RCAN1: variants seen among roughly 807,000 people sequenced by gnomAD.
RCAN1 encodes the protein regulator of calcineurin 1.
A neutral mutation model predicts 22.9 loss-of-function variants in RCAN1; 11 were observed. The observed-to-expected ratio is 0.48, with a 90% CI of 0.30 to 0.79. The LOEUF (loss-of-function observed/expected upper bound fraction) is 0.79, where lower values mean the gene tolerates loss of function less well. Ranked by LOEUF, RCAN1 falls within the 30% of genes least tolerant of loss-of-function variation. RCAN1 has a pLI of 0.06. For synonymous variants in RCAN1, 136 were observed against 142.3 expected, an observed-to-expected ratio of 0.96 and a Z score of 0.32; for missense variants, 291 against 337.8, an observed-to-expected ratio of 0.86 and a Z score of 1.09.
chr21:34,521,372 GAGA>G (rs1984521894), intron 3 of RCAN1, 124 bp downstream of exon 3: 2 of 1,554,018 alleles, frequency 1.3e-6, no homozygotes, highest in Non-Finnish European at 8.7e-7. Flanking sequence ...GAAGAATACA[GAGA>G]AGCTCACAAA....
chr21:34,598,772 C>G (rs914427636), intron 1 of RCAN1, among the ~76,000 whole-genome samples: 4 of 152,122 alleles, frequency 2.6e-5, no homozygotes, highest in African/African-American at 9.7e-5. Context: ...GTACTAATTT[C>G]CTTAATAAGC....
At chr21:34,574,920 G>C (rs1478970208) in intron 1 of RCAN1, among the ~76,000 whole-genome samples, 1 of 152,194 alleles carries the variant, frequency 6.6e-6, no homozygotes, top group Non-Finnish European at 1.5e-5. Flanking sequence ...TCAGGTTTTA[G>C]CGTCAAATTA....
chr21:34,592,363 G>C (rs1988002823), intron 1 of RCAN1, among the ~76,000 whole-genome samples: 1 of 152,110 alleles, frequency 6.6e-6, no homozygotes, highest in Admixed American at 6.5e-5. Flanking sequence ...ACACCCTTTT[G>C]GCACTGTCTT....
At chr21:34,578,155 G>A (rs931646886) in intron 1 of RCAN1, among the ~76,000 whole-genome samples, 29 of 152,162 alleles carry the variant, frequency 1.9e-4, no homozygotes, top group Non-Finnish European at 4.0e-4. Flanking sequence ...ACACAAAAGA[G>A]CAAGAGGTGC....
chr21:34,612,561 T>C (rs1004992152), intron 1 of RCAN1, among the ~76,000 whole-genome samples: 10 of 152,206 alleles, frequency 6.6e-5, no homozygotes, highest in Admixed American at 2.0e-4. Flanking sequence ...TCTACCCTTC[T>C]GTGGGCCCTG....
intron 1 of RCAN1, among the ~76,000 whole-genome samples, chr21:34,580,714 T>C (rs1987575479): frequency 6.6e-6 from 1 of 152,204 alleles, no homozygotes; most frequent in Non-Finnish European, 1.5e-5. Flanking sequence ...CCTTTGTGCA[T>C]GGCTCACCAT....
At chr21:34,555,783 C>A (rs1986540546) in intron 1 of RCAN1, among the ~76,000 whole-genome samples, 1 of 151,302 alleles carries the variant, frequency 6.6e-6, no homozygotes, top group African/African-American at 2.4e-5. Flanking sequence ...AAAAGGCAGG[C>A]CGGGCACCGT....
intron 3 of RCAN1, among the ~76,000 whole-genome samples, chr21:34,520,212 G>A (rs185414246): frequency 6.6e-6 from 1 of 152,252 alleles, no homozygotes; most frequent in Admixed American, 6.5e-5. Flanking sequence ...TCTCCAATAA[G>A]CCCTCGGTGA....
chr21:34,567,909 T>C (rs1258807609), intron 1 of RCAN1, among the ~76,000 whole-genome samples: 1 of 152,174 alleles, frequency 6.6e-6, no homozygotes, highest in Non-Finnish European at 1.5e-5. Flanking sequence ...TGGAGTGAAA[T>C]AGATATTTCC....
chr21:34,554,392 A>G (rs1425142805), intron 1 of RCAN1, among the ~76,000 whole-genome samples: 1 of 152,222 alleles, frequency 6.6e-6, no homozygotes, highest in Admixed American at 6.5e-5. Flanking sequence ...TGTGGTGCTG[A>G]AACCACAGAG....
At chr21:34,597,150 AC>A (rs1988188009) in intron 1 of RCAN1, among the ~76,000 whole-genome samples, 1 of 152,074 alleles carries the variant, frequency 6.6e-6, no homozygotes, top group African/African-American at 2.4e-5. Context: ...TGAGCGAGGA[AC>A]CCGTGCAGCC....
intron 1 of RCAN1, among the ~76,000 whole-genome samples, chr21:34,592,760 G>A (rs1179960361): frequency 1.3e-5 from 2 of 152,128 alleles, no homozygotes; most frequent in Non-Finnish European, 2.9e-5. Context: ...CTTGGCTGAG[G>A]CTGTCTTGTT....
At chr21:34,530,068 ATGTCT>A (rs1057311446) in intron 1 of RCAN1, among the ~76,000 whole-genome samples, 171 of 152,254 alleles carry the variant, frequency 1.1e-3, no homozygotes, top group African/African-American at 3.9e-3. Flanking sequence ...AGTCTTGGGT[ATGTCT>A]TGTCTTTATC....
In RCAN1 at chr21:34,523,730, A is replaced by C; in HGVS notation, c.253-20T>G. 1 of 1,605,110 alleles carries C rather than the reference A, an allele frequency of 6.2e-7. No homozygotes were observed. The highest frequency in any genetic ancestry group is 8.5e-7 in the Non-Finnish European group (1 of 1,175,236). ...TTTGGCCTGAAAAATAACAATAAAA[A>C]TAAAAGGAGTTGAAATTTACCTGCA... On this transcript the variant is annotated intron_variant, in intron 1 of 3. Transcript: ENST00000313806.
chr21:34,580,732 G>A (rs1406371538), intron 1 of RCAN1, among the ~76,000 whole-genome samples: 1 of 152,242 alleles, frequency 6.6e-6, no homozygotes, highest in South Asian at 2.1e-4. Context: ...CATGATCTCC[G>A]CCCCACTCTA....
intron 1 of RCAN1, among the ~76,000 whole-genome samples, chr21:34,571,259 C>A (rs1298664323): frequency 1.3e-5 from 2 of 152,178 alleles, no homozygotes; most frequent in Non-Finnish European, 2.9e-5. Context: ...TACCATTGCA[C>A]TCCAGCCTGG....
chr21:34,516,982 T>C lies in RCAN1; in HGVS notation c.*1102A>G, dbSNP rs1473899234. 6.6e-6 allele frequency: 1 copy of C among 152,660 alleles called. No homozygotes were observed. The highest frequency in any genetic ancestry group is 1.5e-5 in the Non-Finnish European group (1 of 68,042). The allele number at this position is 152,660 out of a possible 1,614,324, so 9.5% of individuals were successfully genotyped here. A position where few individuals can be genotyped will look rare whatever the true frequency, so the allele number is the denominator to read the frequency against. On this transcript the variant is annotated 3_prime_UTR_variant, in exon 4 of 4. Coordinates refer to ENST00000313806, the MANE Select transcript of RCAN1 (RefSeq NM_004414.7). ...GACATGCTTTGAATTCAAGTCCTGT[T>C]AGACATGGGAACAGCTTTTCCTACA...
In RCAN1 at chr21:34,544,785, G is replaced by A. The variant is rs112931820; in HGVS notation, c.253-21075C>T. On this transcript the variant is annotated intron_variant, in intron 1 of 3. Transcript: ENST00000313806. The stretch of plus-strand genomic sequence containing the variant: ...CCAGCCCTGCTGTCAGGAAGCACCC[G>A]CCTCGGGTTGGAGTAAAAGTCACAC... Among the ~76,000 whole-genome samples, 17 of 152,268 alleles carry A rather than the reference G, an allele frequency of 1.1e-4. 1 individual carries two copies. The highest frequency in any genetic ancestry group is 3.1e-4 in the African/African-American group (13 of 41,556).
At chr21:34,519,512 C>T (rs1472089349) in intron 3 of RCAN1, among the ~76,000 whole-genome samples, 1 of 150,928 alleles carries the variant, frequency 6.6e-6, no homozygotes, top group East Asian at 1.9e-4. Context: ...GATTCTCCTG[C>T]CTCAGCCTCC....
Sources: gnomAD v4.1 joint callset for allele counts (sites outside exome capture counted in the v4.1 genomes callset) on GRCh38, gnomAD v4.1.1 for gene constraint, MANE v1.5 for transcripts, NCBI Gene and HGNC (gene_info 2026-07-23, HGNC 2026-07-21) for gene names.